The following ADH1A variants were observed in gnomAD, a reference collection of about 807,000 sequenced individuals.
ADH1A encodes alcohol dehydrogenase 1A (class I), alpha polypeptide, also known as alcohol dehydrogenase 1A.
Under a neutral mutation model 35.2 loss-of-function variants are expected in ADH1A, and 29 were observed. That is an observed-to-expected ratio of 0.82 (90% CI 0.61 to 1.12). The LOEUF (loss-of-function observed/expected upper bound fraction) is 1.12, where lower values mean the gene tolerates loss of function less well. ADH1A is among the 50% of genes most tolerant of loss of function. The pLI, the probability that ADH1A is intolerant of heterozygous loss-of-function variation, is 0.00. For missense variants in ADH1A, 469 were observed against 464.7 expected (o/e 1.01, Z -0.09); for synonymous variants, 147 against 164.8 (o/e 0.89, Z 0.83).
intron 8 of ADH1A, chr4:99,278,455 A>G (rs1732918862): frequency 6.6e-6 from 1 of 152,104 alleles, no homozygotes; most frequent in Non-Finnish European, 1.5e-5. Context: ...TCTCTAAGAT[A>G]GTGAGATTGA....
intron 5 of ADH1A, 39 bp from the exon 6 acceptor site, chr4:99,282,645 TTTATAA>T (rs1288583780): frequency 2.5e-6 from 4 of 1,598,138 alleles, no homozygotes; most frequent in Admixed American, 1.7e-5. Context: ...TTATAAAAAC[TTTATAA>T]AGTGCCATGC....
At chr4:99,277,366 C>T (rs531608012) in intron 8 of ADH1A, among the ~76,000 whole-genome samples, 2 of 152,130 alleles carry the variant, frequency 1.3e-5, no homozygotes, top group East Asian at 1.9e-4. Context: ...GGAACATTTA[C>T]ACTAGAACTA....
intron 2 of ADH1A, 32 bp from the exon 3 acceptor site, chr4:99,287,020 A>T: frequency 6.3e-7 from 1 of 1,594,364 alleles, no homozygotes; most frequent in Non-Finnish European, 8.5e-7. Context: ...TTTATAAAAG[A>T]TTGTGAGTCT....
rs1344709517 is a variant in ADH1A at position 99,287,623 on chromosome 4, GTTTC to G, written c.57_60del (p.Lys19AsnfsTer25). 2 of 1,613,782 alleles carry G rather than the reference GTTTC, an allele frequency of 1.2e-6. No individual in the cohort carries two copies. Among genetic ancestry groups the G allele is most frequent in the African/African-American group, 1.3e-5 (1 of 74,900 alleles). ...ACCTCCACCTCCTCAATGGAAAAGG[GTTTC>G]TTTAACTCCCATAGCACAGCTGCTT... is the stretch of plus-strand genomic sequence containing the variant. On this transcript the variant is annotated frameshift_variant, in exon 2 of 9. Coordinates refer to ENST00000209668, the MANE Select transcript of ADH1A (RefSeq NM_000667.4). LOFTEE classifies it high-confidence loss of function.
intron 8 of ADH1A, among the ~76,000 whole-genome samples, chr4:99,278,141 C>T (rs1279293797): frequency 6.6e-6 from 1 of 152,072 alleles, no homozygotes; most frequent in African/African-American, 2.4e-5. Context: ...AGGCATGCTT[C>T]ATGACTTCTT....
Position 99,284,706 on chromosome 4 carries a change from A to T in ADH1A, c.347+10T>A, listed in dbSNP as rs1733100578. ...TCAATGTCTGCGCAGGGAGAGCATC[A>T]GAAACCTACTCGTTTTTCAAGCAGT... On this transcript the variant is annotated intron_variant, in intron 4 of 8. Coordinates refer to ENST00000209668, the MANE Select transcript of ADH1A (RefSeq NM_000667.4). The T allele has an allele frequency of 6.2e-7, 1 of 1,613,962 alleles. No individual in the cohort carries two copies. Among genetic ancestry groups the T allele is most frequent in the Admixed American group, 1.7e-5 (1 of 60,008 alleles).
At chr4:99,284,268 G>C in intron 5 of ADH1A, 131 bp downstream of exon 5, 1 of 994,928 alleles carries the variant, frequency 1.0e-6, no homozygotes, top group Non-Finnish European at 1.5e-6. Flanking sequence ...ATTCTTTCTG[G>C]ATTGTGTTTC....
In ADH1A at chr4:99,284,742, C is replaced by T. The variant is rs538543042; in HGVS notation, c.321G>A (p.Pro107=). 28 of 1,614,144 alleles carry T rather than the reference C, an allele frequency of 1.7e-5. No individual in the cohort carries two copies. Among genetic ancestry groups the T allele is most frequent in the Middle Eastern group, 1.7e-4 (1 of 6,054 alleles). The change falls in exon 4 of 9, where the codon CCG becomes CCA. Residue 107 remains proline, a synonymous_variant. Transcript: ENST00000209668. ...CGTTTTTCAAGCAGTAGTTGCTCTC[C>T]GGGTTTTTACAAATTCTGCATTTTC... ...QCGKCRICKN[P]ESNYCLKNDV...
At position 99,284,408 on chromosome 4, in the gene ADH1A, A is replaced by G; in HGVS notation, c.558T>C (p.Asn186=). The G allele has an allele frequency of 2.5e-6, 4 of 1,614,100 alleles. No individual in the cohort carries two copies. The highest frequency in any genetic ancestry group is 3.4e-6 in the Non-Finnish European group (4 of 1,180,006). ...CCATTGCCATTCTTACCTTGGCAAC[A>G]TTGACTGCAGACCCATAACCAGTTG... The part of the protein sequence containing the change: ...GFSTGYGSAV[N]VAKVTPGSTC... Residue 186 remains asparagine (N), a synonymous_variant, in exon 5 of 9, where the codon AAT becomes AAC. Coordinates refer to ENST00000209668, the MANE Select transcript of ADH1A (RefSeq NM_000667.4).
In ADH1A at chr4:99,284,696, G is replaced by A; in HGVS notation, c.347+20C>T. The A allele has an allele frequency of 1.9e-6, 3 of 1,613,640 alleles. No individual in the cohort carries two copies. The highest frequency in any genetic ancestry group is 2.5e-6 in the Non-Finnish European group (3 of 1,179,558). ...ATGTGCAAACTCAATGTCTGCGCAG[G>A]GAGAGCATCAGAAACCTACTCGTTT... On this transcript the variant is annotated intron_variant, in intron 4 of 8. Transcript: ENST00000209668.
chr4:99,279,260 CAG>C (rs1453376985), intron 8 of ADH1A, among the ~76,000 whole-genome samples, 164 bp downstream of exon 8: 1 of 152,066 alleles, frequency 6.6e-6, no homozygotes, highest in East Asian at 1.9e-4. Flanking sequence ...TAGCATCTCA[CAG>C]AGGTTTTAAA....
chr4:99,282,158 T>A (rs1733021856), intron 6 of ADH1A, 188 bp downstream of exon 6: 2 of 1,120,956 alleles, frequency 1.8e-6, no homozygotes, highest in Non-Finnish European at 2.6e-6. Flanking sequence ...TTGAGACACG[T>A]TTGCATAGTT....
intron 6 of ADH1A, 41 bp downstream of exon 6, chr4:99,282,305 G>C (rs1440965488): frequency 6.2e-7 from 1 of 1,614,138 alleles, no homozygotes; most frequent in Admixed American, 1.7e-5. Flanking sequence ...CATCCTCCAA[G>C]TTGTAGAGGC....
In ADH1A at chr4:99,280,281, T is replaced by C; in HGVS notation, c.829-2A>G. On this transcript the variant is annotated splice_acceptor_variant, in intron 6 of 8. Transcript: ENST00000209668. LOFTEE classifies it high-confidence loss of function. The stretch of plus-strand genomic sequence containing the variant: ...ATGACAACATAACAGGGAAGCCATC[T>C]GGAATAAAGTGAACACTTAGCATTC... 6.2e-7 allele frequency: 1 copy of C among 1,613,120 alleles called. No individual in the cohort carries two copies. The highest frequency in any genetic ancestry group is 2.2e-5 in the East Asian group (1 of 44,882).
intron 2 of ADH1A, 26 bp from the exon 3 acceptor site, chr4:99,287,014 T>C: frequency 1.3e-6 from 2 of 1,598,094 alleles, no homozygotes; most frequent in Non-Finnish European, 1.7e-6. Context: ...AAGATGTTTA[T>C]AAAAGATTGT....
intron 3 of ADH1A, among the ~76,000 whole-genome samples, chr4:99,285,262 A>T (rs191491425): frequency 1.4e-4 from 21 of 152,338 alleles, no homozygotes. Flanking sequence ...GAGAATTTTG[A>T]ACTAATTCTT....
intron 8 of ADH1A, 95 bp downstream of exon 8, chr4:99,279,331 C>G: frequency 6.9e-7 from 1 of 1,456,712 alleles, no homozygotes; most frequent in Admixed American, 2.5e-5. Context: ...CCAAGGCACT[C>G]TAATTTTTCT....
At chr4:99,286,022 A>T (rs1265458524) in intron 3 of ADH1A, among the ~76,000 whole-genome samples, 1 of 38,254 alleles carries the variant, frequency 2.6e-5, no homozygotes, top group Non-Finnish European at 5.6e-5. Context: ...ACTCCGTCTC[A>T]AAAAAAAAAA....
chr4:99,289,531 T>C (rs1248752620), intron 1 of ADH1A, among the ~76,000 whole-genome samples: 3 of 152,212 alleles, frequency 2.0e-5, no homozygotes, highest in Non-Finnish European at 4.4e-5. Context: ...TTGACTTATT[T>C]CTACATCCCA....
Sources: gnomAD v4.1 joint callset for allele counts (sites outside exome capture counted in the v4.1 genomes callset) on GRCh38, gnomAD v4.1.1 for gene constraint, MANE v1.5 for transcripts, NCBI Gene and HGNC (gene_info 2026-07-23, HGNC 2026-07-21) for gene names.